The following FAF2 variants were observed in gnomAD, a reference collection of about 807,000 sequenced individuals.
FAF2 encodes FAS-associated factor 2.
A neutral mutation model predicts 62.3 loss-of-function variants in FAF2; 9 were observed. The observed-to-expected ratio is 0.14, with a 90% confidence interval of 0.09 to 0.25. The LOEUF (loss-of-function observed/expected upper bound fraction) is 0.25. FAF2 is among the 10% of genes least tolerant of loss of function. FAF2 has a pLI of 1.00. For missense variants in FAF2, 368 were observed against 556.2 expected, an observed-to-expected ratio of 0.66 and a Z score of 3.40; for synonymous variants, 202 against 198.0, an observed-to-expected ratio of 1.02 and a Z score of -0.17.
rs114266212 is a variant in FAF2, at chr5:176,471,303, T to G, written c.64-7885T>G. Reference sequence around the variant, plus strand: ...TTACTTTAAAATGTGCATATGATCATGTCACATGTCACTGGCACTAAATTT... The same window carrying G: ...TTACTTTAAAATGTGCATATGATCAGGTCACATGTCACTGGCACTAAATTT... On this transcript the variant is annotated intron_variant, in intron 1 of 10. Transcript: ENST00000261942. Among the ~76,000 whole-genome samples, 1,345 of 152,146 alleles carry G rather than the reference T, an allele frequency of 8.8e-3. 22 individuals carry two copies. The highest frequency in any genetic ancestry group is 0.03 in the African/African-American group (1,258 of 41,514).
intron 1 of FAF2, among the ~76,000 whole-genome samples, chr5:176,450,490 A>G (rs1256622861): frequency 1.3e-5 from 2 of 152,144 alleles, no homozygotes; most frequent in African/African-American, 4.8e-5. Context: ...GAGCATGAAT[A>G]TAAATCTATG....
At chr5:176,484,847 A>G (rs967290038) in intron 2 of FAF2, among the ~76,000 whole-genome samples, 2 of 151,192 alleles carry the variant, frequency 1.3e-5, no homozygotes, top group African/African-American at 2.4e-5. Flanking sequence ...AGCTGAGATC[A>G]TGCCACTGCA....
chr5:176,483,407 G>C (rs1758816142), intron 2 of FAF2, among the ~76,000 whole-genome samples: 1 of 152,126 alleles, frequency 6.6e-6, no homozygotes, highest in South Asian at 2.1e-4. Flanking sequence ...TTAGGTTTTT[G>C]ATGTATTTGA....
chr5:176,450,016 G>T (rs1285085489), intron 1 of FAF2, among the ~76,000 whole-genome samples: 1 of 152,190 alleles, frequency 6.6e-6, no homozygotes, highest in Non-Finnish European at 1.5e-5. Flanking sequence ...CCCTTCCCAG[G>T]CTTCTGACTT....
chr5:176,475,545 G>A (rs1758673454), intron 1 of FAF2, among the ~76,000 whole-genome samples: 2 of 152,202 alleles, frequency 1.3e-5, no homozygotes, highest in East Asian at 3.9e-4. Context: ...GGGAGGCCGA[G>A]GCGGGTGGAT....
intron 1 of FAF2, among the ~76,000 whole-genome samples, chr5:176,471,403 A>G (rs1758566874): frequency 1.8e-5 from 2 of 109,110 alleles, no homozygotes; most frequent in African/African-American, 3.6e-5. Context: ...TTTTTTTGAG[A>G]CAGAGTTTTG....
rs928328120 is a variant in FAF2 at position 176,507,263 on chromosome 5, T to C, written c.*313T>C. ...AGACTCTTCACCTTCGACCCATCCA[T>C]TGTCCCAGCTGGGAAGGGGACATTC... On this transcript the variant is annotated 3_prime_UTR_variant, in exon 11 of 11. Coordinates refer to ENST00000261942, the MANE Select transcript of FAF2 (RefSeq NM_014613.3). 2 of 454,358 alleles carry C rather than the reference T, an allele frequency of 4.4e-6. No homozygotes were observed. The highest frequency in any genetic ancestry group is 4.0e-5 in the African/African-American group (2 of 49,862). 28.1% of individuals were successfully genotyped at this position (454,358 alleles called of 1,614,324 possible).
chr5:176,460,308 C>T (rs1254609802), intron 1 of FAF2, among the ~76,000 whole-genome samples: 1 of 152,014 alleles, frequency 6.6e-6, no homozygotes, highest in African/African-American at 2.4e-5. Context: ...TTTGAGAAAT[C>T]CCCAGACTGC....
intron 1 of FAF2, among the ~76,000 whole-genome samples, chr5:176,454,577 G>GA (rs56324116): frequency 0.042 from 3,988 of 94,908 alleles, 280 homozygotes; most frequent in Non-Finnish European, 0.058. Flanking sequence ...GATTCTGTCT[G>GA]AAAAAAAAAA....
chr5:176,454,887 A>G (rs1000419304), intron 1 of FAF2, among the ~76,000 whole-genome samples: 34 of 152,294 alleles, frequency 2.2e-4, no homozygotes, highest in African/African-American at 8.2e-4. Context: ...CAAGTGTCTC[A>G]CCAGTCAAGT....
intron 1 of FAF2, among the ~76,000 whole-genome samples, chr5:176,460,650 T>C (rs1189756835): frequency 2.6e-5 from 4 of 151,716 alleles, no homozygotes. Flanking sequence ...GCCCTGTAAA[T>C]GTCTTTTGAG....
intron 1 of FAF2, among the ~76,000 whole-genome samples, chr5:176,464,283 TG>T (rs1758428172): frequency 6.6e-6 from 1 of 152,042 alleles, no homozygotes; most frequent in African/African-American, 2.4e-5. Flanking sequence ...AAGAATATTG[TG>T]GGGGGTTTTT....
rs1391825365 is a variant in FAF2, at chr5:176,506,960, C to T, written c.*10C>T. The T allele has an allele frequency of 6.6e-7, 1 of 1,504,888 alleles. No homozygotes were observed. Among genetic ancestry groups the T allele is most frequent in the East Asian group, 2.5e-5 (1 of 40,794 alleles). The allele number at this position is 1,504,888 out of a possible 1,614,324, so 93.2% of individuals were successfully genotyped here. A position where few individuals can be genotyped will look rare whatever the true frequency, so the allele number is the denominator to read the frequency against. On this transcript the variant is annotated 3_prime_UTR_variant, in exon 11 of 11. Coordinates refer to ENST00000261942, the MANE Select transcript of FAF2 (RefSeq NM_014613.3). The stretch of plus-strand genomic sequence containing the variant: ...CCTAACTGACGAATGACATTTTTTT[C>T]TTCCTGTCCCCTCCTACCCCAGTCC...
At chr5:176,457,741 G>T (rs924631049) in intron 1 of FAF2, among the ~76,000 whole-genome samples, 3 of 152,016 alleles carry the variant, frequency 2.0e-5, no homozygotes, top group Admixed American at 6.6e-5. Context: ...AACACTTGGG[G>T]GGCCTGTGTG....
Position 176,463,041 on chromosome 5 carries a change from G to A in FAF2, c.63+14571G>A, listed in dbSNP as rs547232652. Among the ~76,000 whole-genome samples, 7 of 152,244 alleles carry A rather than the reference G, an allele frequency of 4.6e-5. No homozygotes were observed. In the South Asian group the frequency reaches 1.4e-3, roughly 32 times the overall value. ...GTTGAATATAGCCAACATACTTATT[G>A]TTTGTGTTTGTTTTAGTGGAATTAA... On this transcript the variant is annotated intron_variant, in intron 1 of 10. Coordinates refer to ENST00000261942, the MANE Select transcript of FAF2 (RefSeq NM_014613.3).
intron 1 of FAF2, among the ~76,000 whole-genome samples, chr5:176,460,493 ATGT>A (rs1026574900): frequency 3.5e-5 from 5 of 143,104 alleles, no homozygotes; most frequent in African/African-American, 1.3e-4. Flanking sequence ...ATGAGCAGTG[ATGT>A]TGACTATTTT....
chr5:176,475,035 CT>C (rs945421164), intron 1 of FAF2, among the ~76,000 whole-genome samples: 1 of 152,152 alleles, frequency 6.6e-6, no homozygotes, highest in African/African-American at 2.4e-5. Context: ...TGCTTCACTA[CT>C]TAAAAAGTGT....
intron 7 of FAF2, among the ~76,000 whole-genome samples, chr5:176,495,510 ATTTTTTTTT>A (rs55981414): frequency 7.5e-6 from 1 of 132,870 alleles, no homozygotes; most frequent in Non-Finnish European, 1.6e-5. Context: ...TTGGACACCA[ATTTTTTTTT>A]TTTTTTTTTT....
chr5:176,504,102 A>T (rs1170610944), intron 10 of FAF2, among the ~76,000 whole-genome samples: 1 of 151,944 alleles, frequency 6.6e-6, no homozygotes, highest in Admixed American at 6.6e-5. Context: ...GTGAGACTCC[A>T]TCTCAAAAAA....
Sources: allele counts gnomAD v4.1 joint callset (sites outside exome capture counted in the v4.1 genomes callset), GRCh38; gene constraint gnomAD v4.1.1; transcripts MANE v1.5; gene names NCBI Gene and HGNC (gene_info 2026-07-23, HGNC 2026-07-21).